The following TAFA1 variants were observed in gnomAD, a reference collection of about 807,000 sequenced individuals.
TAFA1 encodes chemokine-like protein TAFA-1.
A neutral mutation model predicts 18.5 loss-of-function variants in TAFA1; 4 were observed. That is an observed-to-expected ratio of 0.22 (90% CI 0.11 to 0.49). TAFA1 has a LOEUF of 0.49. Among genes scored for constraint, TAFA1 ranks in the 20% least tolerant of loss-of-function variants. The pLI is 0.98. For synonymous variants in TAFA1, 56 were observed against 55.2 expected (o/e 1.01, Z -0.06); for missense variants, 147 against 169.0 (o/e 0.87, Z 0.72).
intron 2 of TAFA1, among the ~76,000 whole-genome samples, chr3:68,378,302 G>T (rs958521487): frequency 6.6e-6 from 1 of 152,204 alleles, no homozygotes; most frequent in Non-Finnish European, 1.5e-5. Flanking sequence ...GAAACATGGA[G>T]TCAAAGGAGA....
intron 3 of TAFA1, among the ~76,000 whole-genome samples, chr3:68,521,270 A>G (rs887246568): frequency 2.0e-5 from 3 of 152,188 alleles, no homozygotes; most frequent in Non-Finnish European, 1.5e-5. Flanking sequence ...ATAGACCAGA[A>G]TCGTATCATA....
At chr3:68,014,224 G>A (rs531610502) in intron 2 of TAFA1, among the ~76,000 whole-genome samples, 12 of 152,144 alleles carry the variant, frequency 7.9e-5, no homozygotes, top group Non-Finnish European at 2.9e-5. Context: ...TAATACACAG[G>A]CAGGGGGTAA....
At chr3:68,226,728 CT>C (rs1406503088) in intron 2 of TAFA1, among the ~76,000 whole-genome samples, 1 of 152,164 alleles carries the variant, frequency 6.6e-6, no homozygotes, top group Non-Finnish European at 1.5e-5. Context: ...GAATTATTAG[CT>C]TTCTTTTGAA....
chr3:68,350,632 T>C (rs1358650186), intron 2 of TAFA1, among the ~76,000 whole-genome samples: 1 of 152,140 alleles, frequency 6.6e-6, no homozygotes, highest in Non-Finnish European at 1.5e-5. Flanking sequence ...TGTTTGTTTA[T>C]TGGATGTAAT....
chr3:68,432,021 G>A (rs2071184658), intron 3 of TAFA1, among the ~76,000 whole-genome samples: 1 of 151,940 alleles, frequency 6.6e-6, no homozygotes, highest in African/African-American at 2.4e-5. Context: ...GGAATTTACA[G>A]GTAACACCAG....
intron 2 of TAFA1, among the ~76,000 whole-genome samples, chr3:68,112,093 T>TG (rs1422975803): frequency 1.7e-4 from 5 of 29,462 alleles, no homozygotes; most frequent in Non-Finnish European, 5.8e-4. Flanking sequence ...AAGCACTGGA[T>TG]GAAAAAAAAA....
At chr3:68,231,344 A>ATTTTTTTTTTTTTT (rs1175174572) in intron 2 of TAFA1, among the ~76,000 whole-genome samples, 1 of 79,852 alleles carries the variant, frequency 1.3e-5, no homozygotes, top group African/African-American at 5.1e-5. Flanking sequence ...AATCTATTTG[A>ATTTTTTTTTTTTTT]TTTTTTTTTT....
chr3:68,074,123 G>T (rs371902430), intron 2 of TAFA1, among the ~76,000 whole-genome samples: 1 of 152,206 alleles, frequency 6.6e-6, no homozygotes, highest in African/African-American at 2.4e-5. Context: ...ATTCTCATAC[G>T]GATTGCACAA....
At chr3:68,069,785 A>C (rs1010038855) in intron 2 of TAFA1, among the ~76,000 whole-genome samples, 4 of 152,260 alleles carry the variant, frequency 2.6e-5, no homozygotes, top group African/African-American at 9.6e-5. Context: ...CATAGGGGCT[A>C]CAGGCCCCAT....
In TAFA1 at chr3:68,086,987, A is replaced by T. The variant is rs527701199; in HGVS notation, c.118+80243A>T. Among the ~76,000 whole-genome samples, 4 of 152,340 alleles carry T rather than the reference A, an allele frequency of 2.6e-5. No individual in the cohort carries two copies. The South Asian group carries it at 8.3e-4, about 32-fold the overall frequency. ...TCAACAAGACACCCTGCAAATCCCAAGACAATAATTACATTCTTGGGACTG... is the reference window on the plus strand; with the variant it reads ...TCAACAAGACACCCTGCAAATCCCATGACAATAATTACATTCTTGGGACTG... On this transcript the variant is annotated intron_variant, in intron 2 of 4. Coordinates refer to ENST00000478136, the MANE Select transcript of TAFA1 (RefSeq NM_213609.4).
At chr3:68,315,172 A>G (rs2068586581) in intron 2 of TAFA1, among the ~76,000 whole-genome samples, 2 of 152,146 alleles carry the variant, frequency 1.3e-5, no homozygotes, top group African/African-American at 4.8e-5. Flanking sequence ...GCCCTTTTCC[A>G]GTCCCACTGA....
chr3:68,014,777 A>G (rs1000032253), intron 2 of TAFA1, among the ~76,000 whole-genome samples: 13 of 152,306 alleles, frequency 8.5e-5, no homozygotes, highest in African/African-American at 2.6e-4. Flanking sequence ...CAAAGCAAAC[A>G]CCATCATGGA....
intron 2 of TAFA1, among the ~76,000 whole-genome samples, chr3:68,198,307 G>T (rs1242053373): frequency 6.6e-6 from 1 of 151,466 alleles, no homozygotes; most frequent in Non-Finnish European, 1.5e-5. Flanking sequence ...CCAAATTTTG[G>T]TAATTATGAA....
At chr3:68,346,624 T>C (rs2069169025) in intron 2 of TAFA1, among the ~76,000 whole-genome samples, 1 of 152,194 alleles carries the variant, frequency 6.6e-6, no homozygotes, top group African/African-American at 2.4e-5. Context: ...TGAGAATGAC[T>C]GCTAACATTT....
rs1226360315 is a variant in TAFA1 at position 68,004,570 on chromosome 3, A to C, written c.-136A>C. 1 of 144,388 alleles carries C rather than the reference A, an allele frequency of 6.9e-6. No individual in the cohort carries two copies. Among genetic ancestry groups the C allele is most frequent in the African/African-American group, 2.6e-5 (1 of 39,132 alleles). The allele number at this position is 144,388 out of a possible 1,614,324, so 8.9% of individuals were successfully genotyped here. On this transcript the variant is annotated 5_prime_UTR_variant, in exon 1 of 5. Coordinates refer to ENST00000478136, the MANE Select transcript of TAFA1 (RefSeq NM_213609.4). ...AGAGAGTAACATTTTTTTTTTTTTA[A>C]TCCTGATAAAGAAGATTGTTGGGAA...
At chr3:68,435,927 T>C (rs1309650162) in intron 3 of TAFA1, among the ~76,000 whole-genome samples, 1 of 152,306 alleles carries the variant, frequency 6.6e-6, no homozygotes, top group Non-Finnish European at 1.5e-5. Context: ...GGGAGGTTTT[T>C]TAAAATATCA....
Position 68,430,450 on chromosome 3 carries a change from T to C in TAFA1, c.259+13030T>C, listed in dbSNP as rs185077143. Among the ~76,000 whole-genome samples, 13 of 152,124 alleles carry C rather than the reference T, an allele frequency of 8.5e-5. No individual in the cohort carries two copies. In the East Asian group the frequency reaches 2.5e-3, roughly 29 times the overall value. On this transcript the variant is annotated intron_variant, in intron 3 of 4. Transcript: ENST00000478136. ...AATAGTGTAGTAATTAAGCTGTGTGTCTCTATTACGTAACATAGTTCTTAA... is the reference window on the plus strand; with the variant it reads ...AATAGTGTAGTAATTAAGCTGTGTGCCTCTATTACGTAACATAGTTCTTAA...
At chr3:68,388,460 C>T (rs2070153333) in intron 2 of TAFA1, among the ~76,000 whole-genome samples, 1 of 152,054 alleles carries the variant, frequency 6.6e-6, no homozygotes. Flanking sequence ...AGCCTATTTT[C>T]ATCTATATTT....
At chr3:68,190,882 G>T (rs1281140968) in intron 2 of TAFA1, among the ~76,000 whole-genome samples, 1 of 151,750 alleles carries the variant, frequency 6.6e-6, no homozygotes, top group Admixed American at 6.6e-5. Flanking sequence ...ACTAGAGTAT[G>T]AATTAAATAA....
Sources: gnomAD v4.1 joint callset for allele counts (sites outside exome capture counted in the v4.1 genomes callset) on GRCh38, gnomAD v4.1.1 for gene constraint, MANE v1.5 for transcripts, NCBI Gene and HGNC (gene_info 2026-07-23, HGNC 2026-07-21) for gene names.